CAMKK2: variants seen among roughly 807,000 people sequenced by gnomAD.
The protein encoded by CAMKK2 is calcium/calmodulin dependent protein kinase kinase 2.
In CAMKK2, 30 loss-of-function variants were observed where a neutral mutation model predicts 67.2. The ratio of observed to expected loss-of-function variants is 0.45; its 90% confidence interval spans 0.33 to 0.61. The LOEUF (loss-of-function observed/expected upper bound fraction) is 0.61. Among genes scored for constraint, CAMKK2 ranks in the 20% least tolerant of loss-of-function variants. CAMKK2 has a pLI of 0.02. For synonymous variants in CAMKK2, 322 were observed against 326.2 expected, an observed-to-expected ratio of 0.99 and a Z score of 0.14; for missense variants, 643 against 802.0, an observed-to-expected ratio of 0.80 and a Z score of 2.39.
intron 7 of CAMKK2, among the ~76,000 whole-genome samples, chr12:121,259,287 C>T (rs1053267350): frequency 4.6e-5 from 7 of 152,174 alleles, no homozygotes; most frequent in Non-Finnish European, 8.8e-5. Flanking sequence ...GTGTCCTGCT[C>T]GGGGTTTTTG....
chr12:121,266,976 G>A (rs1204673238), intron 5 of CAMKK2, among the ~76,000 whole-genome samples: 3 of 137,192 alleles, frequency 2.2e-5, no homozygotes, highest in African/African-American at 8.4e-5. Context: ...AAGGAAAGAG[G>A]TCAGCAAGAA....
intron 16 of CAMKK2, among the ~76,000 whole-genome samples, chr12:121,241,507 G>A (rs1593250011): frequency 6.6e-6 from 1 of 152,240 alleles, no homozygotes; most frequent in East Asian, 1.9e-4. Context: ...TCCCTGAAGA[G>A]CCCAGGCTGG....
intron 7 of CAMKK2, among the ~76,000 whole-genome samples, chr12:121,257,654 C>G (rs1225700097): frequency 6.6e-6 from 1 of 152,200 alleles, no homozygotes; most frequent in Non-Finnish European, 1.5e-5. Context: ...AGGAAAAGAA[C>G]TGAACTCTCC....
rs570935374 is a variant in CAMKK2 at position 121,259,395 on chromosome 12, A to G, written c.796+924T>C. Among the ~76,000 whole-genome samples the G allele has an allele frequency of 2.0e-5, 3 of 152,328 alleles. No homozygotes were observed. The East Asian group carries it at 5.8e-4, about 29-fold the overall frequency. On this transcript the variant is annotated intron_variant, in intron 7 of 16. Transcript: ENST00000404169. ...TGAATGTTGTCCCTGATGAACCTAC[A>G]GCAGGGTCTGACAAATTGTAACATT...
At chr12:121,263,751 TG>T in intron 6 of CAMKK2, 54 bp downstream of exon 6, 2 of 1,526,162 alleles carry the variant, frequency 1.3e-6, no homozygotes, top group Non-Finnish European at 1.8e-6. Flanking sequence ...GCGGGGTGTT[TG>T]GGTATTAACA....
At chr12:121,281,068 C>T (rs1018388894) in intron 1 of CAMKK2, among the ~76,000 whole-genome samples, 2 of 152,264 alleles carry the variant, frequency 1.3e-5, no homozygotes, top group South Asian at 2.1e-4. Context: ...CGGAACCTAC[C>T]GACATGTGAT....
intron 16 of CAMKK2, chr12:121,243,909 G>A (rs201723499): frequency 7.1e-7 from 1 of 1,411,088 alleles, no homozygotes; most frequent in African/African-American, 1.4e-5. Context: ...GAAGGGCAGT[G>A]GGGTCCCCAC....
chr12:121,274,464 C>T lies in CAMKK2; in HGVS notation c.63G>A (p.Gly21=), dbSNP rs766098875. ...TTTCGCTGCTGCTGCTGCCCCTGCC[C>T]CCCAGCTCATCCTGGGGGGCGGCCC... The part of the protein sequence containing the change: ...SNRAAPQDEL[G]GRGSSSSESQ... Residue 21 remains glycine (G), a synonymous_variant, in exon 2 of 17, where the codon GGG becomes GGA. Coordinates refer to ENST00000404169, the MANE Select transcript of CAMKK2 (RefSeq NM_001270485.2). 6.8e-6 allele frequency: 11 copies of T among 1,612,866 alleles called. No homozygotes were observed. The highest frequency in any genetic ancestry group is 8.5e-6 in the Non-Finnish European group (10 of 1,179,956).
chr12:121,271,145 G>T (rs28969493), intron 2 of CAMKK2, among the ~76,000 whole-genome samples, 200 bp from the exon 3 acceptor site: 4 of 151,560 alleles, frequency 2.6e-5, no homozygotes, highest in Non-Finnish European at 5.9e-5. Context: ...CGTGGTGGTG[G>T]GCACCTGTAA....
chr12:121,243,609 C>G (rs569217096), intron 16 of CAMKK2: 1 of 157,066 alleles, frequency 6.4e-6, no homozygotes, highest in Admixed American at 6.3e-5. Context: ...GCCATTTATA[C>G]GAAACGTCCA....
chr12:121,290,923 G>A (rs535304264), intron 1 of CAMKK2, among the ~76,000 whole-genome samples: 3 of 152,172 alleles, frequency 2.0e-5, no homozygotes, highest in Non-Finnish European at 2.9e-5. Flanking sequence ...GGGTTCAAGC[G>A]ATTCTCCTGC....
intron 1 of CAMKK2, among the ~76,000 whole-genome samples, chr12:121,295,619 C>T (rs1192862980): frequency 6.6e-6 from 1 of 152,182 alleles, no homozygotes; most frequent in Non-Finnish European, 1.5e-5. Context: ...TTTCTATCCC[C>T]TGCGTGGAGA....
chr12:121,295,535 C>T (rs1169804), intron 1 of CAMKK2, among the ~76,000 whole-genome samples: 12,440 of 152,202 alleles, frequency 0.082, 1,601 homozygotes, highest in African/African-American at 0.28. Context: ...AAGCCATCCT[C>T]TTCTCTCTCC....
In CAMKK2 at chr12:121,274,459, C is replaced by T; in HGVS notation, c.68G>A (p.Arg23Lys). 6.2e-7 allele frequency: 1 copy of T among 1,613,036 alleles called. No individual in the cohort carries two copies. The highest frequency in any genetic ancestry group is 1.7e-5 in the Admixed American group (1 of 60,024). ...CTGGCTTTCGCTGCTGCTGCTGCCCCTGCCCCCCAGCTCATCCTGGGGGGC... is the reference window on the plus strand; with the variant it reads ...CTGGCTTTCGCTGCTGCTGCTGCCCTTGCCCCCCAGCTCATCCTGGGGGGC... ...RAAPQDELGG[R>K]GSSSSESQKP... The change falls in exon 2 of 17, where the codon AGG becomes AAG. Residue 23 changes from arginine (R) to lysine (K), a missense_variant. Physicochemically the swap from Arg to Lys is conservative, Grantham distance 26. Transcript: ENST00000404169.
intron 1 of CAMKK2, among the ~76,000 whole-genome samples, chr12:121,295,908 C>A (rs940776732): frequency 1.3e-5 from 2 of 152,200 alleles, no homozygotes; most frequent in Non-Finnish European, 2.9e-5. Flanking sequence ...AAGGCTGGGT[C>A]GGGTGGCACC....
rs1435427514 is a variant in CAMKK2, at chr12:121,296,695, G to T, written c.-117C>A. 6.7e-6 allele frequency: 1 copy of T among 148,366 alleles called. No individual in the cohort carries two copies. The allele number at this position is 148,366 out of a possible 1,614,324, so 9.2% of individuals were successfully genotyped here. A position where few individuals can be genotyped will look rare whatever the true frequency, so the allele number is the denominator to read the frequency against. ...CTGCGCCCCCAGCTCGGCTCGGCTCGGCTCAGCTTGCTCTGCGCGGCCGCG... is the reference window on the plus strand; with the variant it reads ...CTGCGCCCCCAGCTCGGCTCGGCTCTGCTCAGCTTGCTCTGCGCGGCCGCG... On this transcript the variant is annotated 5_prime_UTR_variant, in exon 1 of 17. Coordinates refer to ENST00000404169, the MANE Select transcript of CAMKK2 (RefSeq NM_001270485.2). The surrounding 1 kb of genome is among the most constrained non-coding windows in gnomAD (Gnocchi z 7.1).
At chr12:121,266,323 T>C (rs1217678546) in intron 5 of CAMKK2, among the ~76,000 whole-genome samples, 1 of 151,638 alleles carries the variant, frequency 6.6e-6, no homozygotes, top group African/African-American at 2.4e-5. Flanking sequence ...CAGGACACCA[T>C]TTGTTATTTT....
intron 5 of CAMKK2, 42 bp from the exon 6 acceptor site, chr12:121,263,981 C>T: frequency 2.0e-6 from 3 of 1,508,500 alleles, no homozygotes; most frequent in Non-Finnish European, 2.7e-6. Flanking sequence ...GGCAAAGAGA[C>T]TTTCCTCCGC....
In CAMKK2 at chr12:121,286,914, G is replaced by A. The variant is rs141748658; in HGVS notation, c.-60+9724C>T. On this transcript the variant is annotated intron_variant, in intron 1 of 16. Transcript: ENST00000404169. ...AGTTGGCTTCCTTTTTTTGGGGGGC[G>A]GGGCGGTTGGGGACAGGGTCTCACT... is the stretch of plus-strand genomic sequence containing the variant. Among the ~76,000 whole-genome samples, 749 of 151,198 alleles carry A rather than the reference G, an allele frequency of 5.0e-3. 3 individuals carry two copies. The highest frequency in any genetic ancestry group is 0.017 in the African/African-American group (721 of 41,216).
Sources: gnomAD v4.1 joint callset for allele counts (sites outside exome capture counted in the v4.1 genomes callset) on GRCh38, gnomAD v4.1.1 for gene constraint, Gnocchi (gnomAD v3.1) non-coding constraint, MANE v1.5 for transcripts, NCBI Gene and HGNC (gene_info 2026-07-23, HGNC 2026-07-21) for gene names.